The following KANK1 variants were observed in gnomAD, a reference collection of about 807,000 sequenced individuals.
The protein encoded by KANK1 is KN motif and ankyrin repeat domains 1.
KANK1 carries 109 observed loss-of-function variants against 106.2 expected under a neutral mutation model. The ratio of observed to expected loss-of-function variants is 1.03; its 90% confidence interval spans 0.88 to 1.20. The LOEUF (loss-of-function observed/expected upper bound fraction) is 1.20, where lower values mean the gene tolerates loss of function less well. KANK1 is among the 50% of genes most tolerant of loss of function. The pLI is 0.00. For missense variants in KANK1, 2,399 were observed against 1,710.7 expected (o/e 1.40, Z -7.10); for synonymous variants, 873 against 652.2 (o/e 1.34, Z -5.16).
At chr9:570,234 ATGTAGACTTAAAATTTT>A (rs1191941015) in intron 1 of KANK1, among the ~76,000 whole-genome samples, 1 of 152,190 alleles carries the variant, frequency 6.6e-6, no homozygotes, top group Non-Finnish European at 1.5e-5. Context: ...TGTGGAGATA[ATGTAGACTTAAAATTTT>A]AAATCCGTAG....
At chr9:606,233 A>T (rs547806084) in intron 1 of KANK1, among the ~76,000 whole-genome samples, 3 of 151,212 alleles carry the variant, frequency 2.0e-5, no homozygotes, top group Non-Finnish European at 2.9e-5. Context: ...TTTATATAAT[A>T]TGTAAAATTT....
intron 2 of KANK1, among the ~76,000 whole-genome samples, chr9:691,541 A>G (rs1313925307): frequency 6.6e-6 from 1 of 150,978 alleles, no homozygotes; most frequent in Non-Finnish European, 1.5e-5. Context: ...GATTGCGGGC[A>G]TGAGCCACTG....
At chr9:593,288 G>C (rs777277644) in intron 1 of KANK1, among the ~76,000 whole-genome samples, 1 of 151,840 alleles carries the variant, frequency 6.6e-6, no homozygotes, top group Non-Finnish European at 1.5e-5. Flanking sequence ...ACAAAAGTCA[G>C]ATGTGCCCAT....
chr9:741,912 C>G (rs150734082), intron 9 of KANK1, among the ~76,000 whole-genome samples: 37 of 152,258 alleles, frequency 2.4e-4, no homozygotes, highest in African/African-American at 5.8e-4. Context: ...ACCCACCACT[C>G]CAGGCCCACA....
At chr9:541,817 C>T (rs1252583671) in intron 1 of KANK1, among the ~76,000 whole-genome samples, 1 of 152,108 alleles carries the variant, frequency 6.6e-6, no homozygotes, top group African/African-American at 2.4e-5. Context: ...AGGCCGGGCG[C>T]GGTGGCTCAC....
At chr9:562,055 T>G (rs2134428175) in intron 1 of KANK1, among the ~76,000 whole-genome samples, 1 of 142,528 alleles carries the variant, frequency 7.0e-6, no homozygotes, top group East Asian at 2.0e-4. Context: ...TTTTTTTTTT[T>G]TTTTTTTTGA....
At chr9:714,923 T>A (rs1827278364) in intron 3 of KANK1, among the ~76,000 whole-genome samples, 1 of 152,182 alleles carries the variant, frequency 6.6e-6, no homozygotes, top group South Asian at 2.1e-4. Flanking sequence ...TGAATCAGTG[T>A]GACCTGGGAA....
chr9:500,253 C>T (rs1425831702), upstream of KANK1, among the ~76,000 whole-genome samples: 1 of 152,184 alleles, frequency 6.6e-6, no homozygotes, highest in Non-Finnish European at 1.5e-5. Context: ...AAACATCTCT[C>T]ATGAAGCAAA....
chr9:474,632 C>A (rs2058074716), intron 3 of KANK1, among the ~76,000 whole-genome samples: 1 of 152,192 alleles, frequency 6.6e-6, no homozygotes, highest in Admixed American at 6.5e-5. Context: ...TATGCCTTCC[C>A]TCCACTCTCC....
At chr9:635,726 T>C (rs1412754149) in intron 1 of KANK1, among the ~76,000 whole-genome samples, 1 of 119,018 alleles carries the variant, frequency 8.4e-6, no homozygotes, top group Non-Finnish European at 1.7e-5. Context: ...TGAGACGGAG[T>C]CTTACTCTGT....
At chr9:695,657 G>T (rs1039993413) in intron 2 of KANK1, among the ~76,000 whole-genome samples, 1 of 151,886 alleles carries the variant, frequency 6.6e-6, no homozygotes. Context: ...ATCCTCTCTG[G>T]GGGGCCAGGG....
At chr9:669,258 A>G (rs1048225491) in intron 1 of KANK1, among the ~76,000 whole-genome samples, 7 of 152,284 alleles carry the variant, frequency 4.6e-5, no homozygotes, top group African/African-American at 1.2e-4. Flanking sequence ...CATGACAATT[A>G]GAGTATTTGA....
At chr9:581,107 C>G (rs940531311) in intron 1 of KANK1, among the ~76,000 whole-genome samples, 1 of 152,176 alleles carries the variant, frequency 6.6e-6, no homozygotes, top group South Asian at 2.1e-4. Context: ...ACCCAGAACT[C>G]CTGGCCCGCG....
intron 1 of KANK1, among the ~76,000 whole-genome samples, chr9:626,666 C>T (rs1834419489): frequency 6.6e-6 from 1 of 152,208 alleles, no homozygotes; most frequent in South Asian, 2.1e-4. Context: ...GGCTGGTTAC[C>T]ACTATTGCTG....
At chr9:546,885 A>C (rs2060965288) in intron 1 of KANK1, among the ~76,000 whole-genome samples, 2 of 152,164 alleles carry the variant, frequency 1.3e-5, no homozygotes, top group Admixed American at 1.3e-4. Flanking sequence ...CTTGGAAAAA[A>C]GACAGGAAGT....
At chr9:588,671 A>T (rs939612767) in intron 1 of KANK1, among the ~76,000 whole-genome samples, 6 of 152,134 alleles carry the variant, frequency 3.9e-5, no homozygotes, top group African/African-American at 1.4e-4. Flanking sequence ...TGTAGTAGTC[A>T]TGATCTCCTT....
Position 742,388 on chromosome 9 carries a change from G to A in KANK1, c.3880G>A (p.Gly1294Ser), listed in dbSNP as rs140893133. The A allele has an allele frequency of 1.2e-3, 1,929 of 1,613,416 alleles. 5 individuals carry two copies. The highest frequency in any genetic ancestry group is 1.5e-3 in the Non-Finnish European group (1,771 of 1,179,766). ...KLLLAQPGCN[G>S]HLEDNDGSTA... ...GCTGCTGGCCCAGCCCGGCTGCAAC[G>A]GTCACCTAGAGGACAACGTAAGCTG... Residue 1294 changes from glycine to serine, a missense_variant, in exon 10 of 12, where the codon GGT becomes AGT. By Grantham distance (56) the Gly-to-Ser change is moderately conservative (BLOSUM62 0). Transcript: ENST00000382297.
In KANK1 at chr9:732,211, A is replaced by G; in HGVS notation, c.3006-167A>G. ...AACCAGTTTAAGTTAGAGTCCATTC[A>G]AAACCACCAGGCATTTAAATAGACC... is the stretch of plus-strand genomic sequence containing the variant. On this transcript the variant is annotated intron_variant, in intron 5 of 11. Coordinates refer to ENST00000382297, the MANE Select transcript of KANK1 (RefSeq NM_015158.5). 2.7e-6 allele frequency: 2 copies of G among 728,462 alleles called. 1 individual carries two copies. Among genetic ancestry groups the G allele is most frequent in the South Asian group, 4.1e-5 (2 of 49,206 alleles). 45.1% of individuals were successfully genotyped at this position (728,462 alleles called of 1,614,324 possible).
In KANK1 at chr9:742,298, G is replaced by C. The variant is rs1009656242; in HGVS notation, c.3790G>C (p.Asp1264His). The C allele has an allele frequency of 2.5e-6, 4 of 1,614,058 alleles. No homozygotes were observed. The African/African-American group carries it at 5.3e-5, about 22-fold the overall frequency. ...LACGADVNIQ[D>H]DEGSTALMCA... is the part of the protein sequence containing the mutation. Reference sequence around the variant, plus strand: ...CTGTGGGGCTGATGTCAACATCCAGGATGACGAGGGCTCCACGGCCCTCAT... The same window carrying C: ...CTGTGGGGCTGATGTCAACATCCAGCATGACGAGGGCTCCACGGCCCTCAT... The change falls in exon 10 of 12, where the codon GAT becomes CAT. Residue 1264 changes from aspartate (D) to histidine (H), a missense_variant. Transcript: ENST00000382297.
Sources: gnomAD v4.1 joint callset for allele counts (sites outside exome capture counted in the v4.1 genomes callset) on GRCh38, gnomAD v4.1.1 for gene constraint, MANE v1.5 for transcripts, NCBI Gene and HGNC (gene_info 2026-07-23, HGNC 2026-07-21) for gene names.